The following RECQL5 variants were observed in gnomAD, a reference collection of about 807,000 sequenced individuals.
RECQL5 encodes the protein ATP-dependent DNA helicase Q5.
A neutral mutation model predicts 103.4 loss-of-function variants in RECQL5; 88 were observed. That is an observed-to-expected ratio of 0.85 (90% confidence interval 0.72 to 1.02). The LOEUF (loss-of-function observed/expected upper bound fraction) is 1.02. Among genes scored for constraint, RECQL5 ranks in the 50% least tolerant of loss-of-function variants. RECQL5 has a pLI of 0.00. For synonymous variants in RECQL5, 552 were observed against 507.9 expected (o/e 1.09, Z -1.17); for missense variants, 1,232 against 1,284.3 (o/e 0.96, Z 0.62).
intron 8 of RECQL5, chr17:75,633,559 A>T (rs779698236): frequency 7.8e-7 from 1 of 1,274,208 alleles, no homozygotes. Flanking sequence ...GCTGAGCGGC[A>T]CAAGGGCCTC....
In RECQL5 at chr17:75,631,493, C is replaced by CG. The variant is rs2059213310; in HGVS notation, c.1404dup (p.Glu469ArgfsTer4). 1.9e-6 allele frequency: 3 copies of CG among 1,613,274 alleles called. No homozygotes were observed. In the South Asian group the frequency reaches 3.3e-5, roughly 18 times the overall value. ...CCCTTGCGGCCTCCCTCATACAGCTCGGGGTCAAAGCCGTTCCCCTGGGAG... is the reference window on the plus strand; with the variant it reads ...CCCTTGCGGCCTCCCTCATACAGCTCGGGGGTCAAAGCCGTTCCCCTGGGAG... On this transcript the variant is annotated frameshift_variant, in exon 9 of 20. Coordinates refer to ENST00000317905, the MANE Select transcript of RECQL5 (RefSeq NM_004259.7). LOFTEE classifies it high-confidence loss of function.
rs2059138862 is a variant in RECQL5, at chr17:75,628,200, C to T, written c.2805+18G>A. 6.3e-7 allele frequency: 1 copy of T among 1,598,392 alleles called. No individual in the cohort carries two copies. Among genetic ancestry groups the T allele is most frequent in the South Asian group, 1.1e-5 (1 of 90,786 alleles). ...ACCCCAGGCATGGGAGAAGGCAGAGCCCACTCACTCCCCCTACCTTGGAAG... is the reference window on the plus strand; with the variant it reads ...ACCCCAGGCATGGGAGAAGGCAGAGTCCACTCACTCCCCCTACCTTGGAAG... On this transcript the variant is annotated intron_variant, in intron 18 of 19. Transcript: ENST00000317905.
At chr17:75,660,601 G>A (rs1023036806) in intron 6 of RECQL5, among the ~76,000 whole-genome samples, 3 of 152,208 alleles carry the variant, frequency 2.0e-5, no homozygotes, top group Non-Finnish European at 4.4e-5. Flanking sequence ...TATGCAGTCT[G>A]TCATTGACCG....
rs768089295 is a variant in RECQL5, at chr17:75,666,464, G to A, written c.94C>T (p.Pro32Ser). The A allele has an allele frequency of 6.2e-7, 1 of 1,614,084 alleles. No individual in the cohort carries two copies. The highest frequency in any genetic ancestry group is 2.2e-5 in the East Asian group (1 of 44,878). ...KVFGFDSFKT[P>S]LQESATMAVV... Reference sequence around the variant, plus strand: ...GCCATGGTCGCACTCTCCTGTAAAGGCGTCTTAAAAGAGTCAAACCCAAAG... The same window carrying A: ...GCCATGGTCGCACTCTCCTGTAAAGACGTCTTAAAAGAGTCAAACCCAAAG... The change falls in exon 2 of 20, where the codon CCT (proline) becomes TCT (serine). Residue 32 changes from proline (P) to serine (S), a missense_variant. Physicochemically the swap from Pro to Ser is moderately conservative, Grantham distance 74. Transcript: ENST00000317905.
At position 75,627,681 on chromosome 17, in the gene RECQL5, T is replaced by A; in HGVS notation, c.2817A>T (p.Lys939Asn). Reference sequence around the variant, plus strand: ...AGTGTGAGAGGTGGCGGGCAAAGCCTTTAAACAACTCCTGGAAGGGAGAGG... The same window carrying A: ...AGTGTGAGAGGTGGCGGGCAAAGCCATTAAACAACTCCTGGAAGGGAGAGG... Reference protein sequence around the residue: ...EGKFASKELFKGFARHLSHLL... With the variant: ...EGKFASKELFNGFARHLSHLL... The change falls in exon 19 of 20, where the codon AAA becomes AAT. Residue 939 changes from lysine (K) to asparagine (N), a missense_variant. Transcript: ENST00000317905. The A allele has an allele frequency of 6.2e-7, 1 of 1,607,418 alleles. No homozygotes were observed. Among genetic ancestry groups the A allele is most frequent in the East Asian group, 2.2e-5 (1 of 44,734 alleles).
intron 6 of RECQL5, among the ~76,000 whole-genome samples, chr17:75,659,281 C>T (rs922643420): frequency 7.2e-5 from 11 of 152,242 alleles, no homozygotes; most frequent in Non-Finnish European, 1.3e-4. Context: ...AGGATGGTCT[C>T]AATCTGTTGA....
chr17:75,663,053 G>GC, intron 3 of RECQL5, 56 bp from the exon 4 acceptor site: 1 of 1,502,290 alleles, frequency 6.7e-7, no homozygotes, highest in Non-Finnish European at 8.9e-7. Flanking sequence ...AAACATCACT[G>GC]CAAGTCCCTG....
intron 7 of RECQL5, among the ~76,000 whole-genome samples, chr17:75,655,697 C>T (rs1051791179): frequency 2.0e-5 from 3 of 151,298 alleles, no homozygotes; most frequent in Admixed American, 2.0e-4. Context: ...GAGACAGGGT[C>T]TCACTTTGTC....
chr17:75,631,844 C>T (rs1283704677), intron 8 of RECQL5, among the ~76,000 whole-genome samples, 176 bp from the exon 9 acceptor site: 2 of 152,264 alleles, frequency 1.3e-5, no homozygotes, highest in African/African-American at 2.4e-5. Flanking sequence ...CTCCCCACTA[C>T]ACAGATGAGG....
intron 8 of RECQL5, among the ~76,000 whole-genome samples, chr17:75,632,773 C>A (rs1458243199): frequency 6.6e-6 from 1 of 152,236 alleles, no homozygotes; most frequent in African/African-American, 2.4e-5. Flanking sequence ...TTATAAACAG[C>A]CATTCCTGCC....
At chr17:75,658,183 G>A in intron 7 of RECQL5, 115 bp downstream of exon 7, 2 of 1,120,962 alleles carry the variant, frequency 1.8e-6, no homozygotes, top group Non-Finnish European at 2.5e-6. Flanking sequence ...TATACTTACA[G>A]GTTGGGAGCA....
chr17:75,663,203 G>A (rs1436086233), intron 3 of RECQL5, among the ~76,000 whole-genome samples: 1 of 152,080 alleles, frequency 6.6e-6, no homozygotes, highest in East Asian at 1.9e-4. Flanking sequence ...CCTGGATTTA[G>A]GAATATTTGC....
chr17:75,630,841 T>TGTG lies in RECQL5; in HGVS notation c.1586-5_1586-4insCAC, dbSNP rs377686257. On this transcript the variant is annotated splice_region_variant and splice_polypyrimidine_tract_variant and intron_variant, in intron 11 of 19. Coordinates refer to ENST00000317905, the MANE Select transcript of RECQL5 (RefSeq NM_004259.7). ...TCTTTCAGGGGACAGTTCTCATCTG[T>TGTG]GGGGGGGGGGGGTGGTCCTTGGTCC... 22 of 1,135,078 alleles carry TGTG rather than the reference T, an allele frequency of 1.9e-5. 2 individuals carry two copies. The highest frequency in any genetic ancestry group is 2.4e-4 in the Middle Eastern group (1 of 4,250). 70.3% of individuals were successfully genotyped at this position (1,135,078 alleles called of 1,614,324 possible).
chr17:75,632,811 G>A (rs528848661), intron 8 of RECQL5, among the ~76,000 whole-genome samples: 1 of 152,230 alleles, frequency 6.6e-6, no homozygotes, highest in Non-Finnish European at 1.5e-5. Flanking sequence ...GGGTAGGGAA[G>A]CCCAAGAGGA....
At chr17:75,656,715 G>T (rs529754813) in intron 7 of RECQL5, among the ~76,000 whole-genome samples, 1 of 149,738 alleles carries the variant, frequency 6.7e-6, no homozygotes, top group African/African-American at 2.5e-5. Flanking sequence ...TTATCCTTGC[G>T]AATTTATGTA....
rs553192607 is a variant in RECQL5 at position 75,627,448 on chromosome 17, G to A, written c.2950C>T (p.His984Tyr). Residue 984 changes from histidine to tyrosine, a missense_variant, in exon 20 of 20, where the codon CAT becomes TAT. His to Tyr is a moderately conservative substitution (Grantham distance 83, BLOSUM62 2). Transcript: ENST00000317905. ...CATCTCTGGGGGCCACACAGGCCAT[G>A]CCAGTCAGCTTCGCTCTCGCACCGG... Reference protein sequence around the residue: ...RARCESEADWHGLCGPQR With the variant: ...RARCESEADWYGLCGPQR The A allele has an allele frequency of 1.2e-4, 189 of 1,613,638 alleles. 1 individual carries two copies. Among genetic ancestry groups the A allele is most frequent in the Non-Finnish European group, 1.5e-4 (176 of 1,180,004 alleles).
In RECQL5 at chr17:75,636,353, G is replaced by T. The variant is rs1459615773; in HGVS notation, c.1230-4685C>A. Among the ~76,000 whole-genome samples the T allele has an allele frequency of 6.6e-6, 1 of 152,220 alleles. No individual in the cohort carries two copies. Among genetic ancestry groups the T allele is most frequent in the Non-Finnish European group, 1.5e-5 (1 of 68,034 alleles). On this transcript the variant is annotated intron_variant, in intron 8 of 19. Transcript: ENST00000317905. The surrounding 1 kb of genome is among the most constrained non-coding windows in gnomAD (Gnocchi z 5.4). The stretch of plus-strand genomic sequence containing the variant: ...GGTGGGAAGTGTGGTTTTGGAAGGA[G>T]TTGGGTGAACCTGAGATAGAAAGAC...
In RECQL5 at chr17:75,662,650, T is replaced by C. The variant is rs1478633201; in HGVS notation, c.600A>G (p.Gln200=). The C allele has an allele frequency of 1.2e-6, 2 of 1,614,166 alleles. No homozygotes were observed. Among genetic ancestry groups the C allele is most frequent in the Middle Eastern group, 1.6e-4 (1 of 6,062 alleles). Residue 200 remains glutamine, a synonymous_variant, in exon 4 of 20, where the codon CAA becomes CAG. Transcript: ENST00000317905. ...ALTATATPQV[Q]EDVFAALHLK... Reference sequence around the variant, plus strand: ...GGTGCAGGGCAGCAAACACGTCCTCTTGGACCTGTGGGGTGGCTGTGGCGG... The same window carrying C: ...GGTGCAGGGCAGCAAACACGTCCTCCTGGACCTGTGGGGTGGCTGTGGCGG...
chr17:75,634,117 G>GGCGC, intron 8 of RECQL5: 1 of 985,554 alleles, frequency 1.0e-6, no homozygotes, highest in Middle Eastern at 5.2e-4. Flanking sequence ...GGGGAGCAGC[G>GGCGC]GCGCCCACGA....
Sources: gnomAD v4.1 joint callset for allele counts (sites outside exome capture counted in the v4.1 genomes callset) on GRCh38, gnomAD v4.1.1 for gene constraint, Gnocchi (gnomAD v3.1) non-coding constraint, MANE v1.5 for transcripts, NCBI Gene and HGNC (gene_info 2026-07-23, HGNC 2026-07-21) for gene names.